Variants in ABCA13 observed in about 807,000 individuals in gnomAD.
ABCA13 encodes the protein ATP-binding cassette sub-family A member 13.
A neutral mutation model predicts 478.7 loss-of-function variants in ABCA13; 476 were observed. The ratio of observed to expected loss-of-function variants is 0.99; its 90% CI spans 0.92 to 1.07. The LOEUF (loss-of-function observed/expected upper bound fraction) is 1.07. Ranked by LOEUF, ABCA13 falls within the 50% of genes least tolerant of loss-of-function variation. ABCA13 has a pLI of 0.00. For missense variants in ABCA13, 6,060 were observed against 5,910.6 expected (o/e 1.03, Z -0.83); for synonymous variants, 2,252 against 2,158.9 (o/e 1.04, Z -1.20).
intron 41 of ABCA13, among the ~76,000 whole-genome samples, chr7:48,425,965 T>C (rs952759591): frequency 1.3e-5 from 2 of 152,038 alleles, no homozygotes; most frequent in African/African-American, 4.8e-5. Flanking sequence ...ATGGTCTCGA[T>C]CTCCTGACCT....
Position 48,520,215 on chromosome 7 carries a change from T to A in ABCA13, c.13972T>A (p.Phe4658Ile). Residue 4658 changes from phenylalanine to isoleucine, a missense_variant, in exon 53 of 62, where the codon TTC becomes ATC. Around this residue, in one of 3 missense-constraint regions of ABCA13, gnomAD observed 1,627 missense variants for 1,571.0 expected, o/e 1.04. Transcript: ENST00000435803. ...PFEMNFLGWI[F>I]VQLASQGTVL... ...TGAGATGAACTTTCTGGGCTGGATC[T>A]TCGTGCAACTGGCCTCGCAGGGCAC... 1 of 1,613,738 alleles carries A rather than the reference T, an allele frequency of 6.2e-7. No individual in the cohort carries two copies. The highest frequency in any genetic ancestry group is 1.3e-5 in the African/African-American group (1 of 75,020).
At chr7:48,391,326 T>A (rs1033547824) in intron 37 of ABCA13, among the ~76,000 whole-genome samples, 17 of 152,248 alleles carry the variant, frequency 1.1e-4, no homozygotes, top group Admixed American at 5.2e-4. Context: ...ACAACTATAA[T>A]GCTCTATGAT....
Position 48,272,461 on chromosome 7 carries a change from C to T in ABCA13, c.2795C>T (p.Ala932Val). Residue 932 changes from alanine (A) to valine (V), a missense_variant, in exon 17 of 62, where the codon GCC becomes GTC. This residue lies in a region of ABCA13 where 4,423 missense variants were observed against 4,309.1 expected (regional missense o/e 1.03). Transcript: ENST00000435803. ...AIRNASDLFS[A>V]LSEPQKQEVD... ...AGGAATGCATCTGATCTTTTCTCAG[C>T]CCTTTCTGAACCACAAAAACAAGAA... The T allele has an allele frequency of 6.2e-7, 1 of 1,613,768 alleles. No homozygotes were observed. The highest frequency in any genetic ancestry group is 8.5e-7 in the Non-Finnish European group (1 of 1,179,770).
intron 1 of ABCA13, among the ~76,000 whole-genome samples, chr7:48,183,266 A>G (rs1026346409): frequency 6.6e-6 from 1 of 152,198 alleles, no homozygotes; most frequent in African/African-American, 2.4e-5. Context: ...AAATCCACAT[A>G]CCGCATGAGT....
At chr7:48,346,816 G>A (rs1808181147) in intron 29 of ABCA13, among the ~76,000 whole-genome samples, 1 of 152,168 alleles carries the variant, frequency 6.6e-6, no homozygotes, top group Non-Finnish European at 1.5e-5. Flanking sequence ...GATAAATAGT[G>A]CAATTGCCAT....
In ABCA13 at chr7:48,540,143, G is replaced by C. The variant is rs560110179; in HGVS notation, c.14354+11798G>C. On this transcript the variant is annotated intron_variant, in intron 55 of 61. Transcript: ENST00000435803. ...TCCTTGATTTTTCTCTGCAGTCATA[G>C]AAGAAGTAAGATATTTTTGTTGAAT... Among the ~76,000 whole-genome samples, 157 of 152,076 alleles carry C rather than the reference G, an allele frequency of 1.0e-3. 1 individual carries two copies. Among genetic ancestry groups the C allele is most frequent in the Non-Finnish European group, 2.0e-3 (136 of 67,952 alleles).
In ABCA13 at chr7:48,279,679, G is replaced by C; in HGVS notation, c.8485G>C (p.Gly2829Arg). Residue 2829 changes from glycine (G) to arginine (R), a missense_variant, in exon 18 of 62, where the codon GGA becomes CGA. Physicochemically the swap from Gly to Arg is moderately radical, Grantham distance 125. Around this residue, in one of 3 missense-constraint regions of ABCA13, gnomAD observed 4,423 missense variants for 4,309.1 expected, o/e 1.03. Coordinates refer to ENST00000435803, the MANE Select transcript of ABCA13 (RefSeq NM_152701.5). ...AAGTAGAATAGCTCTCTGGAGGAAAGGACTTCTGTTTAACAACTCTGAATG... is the reference window on the plus strand; with the variant it reads ...AAGTAGAATAGCTCTCTGGAGGAAACGACTTCTGTTTAACAACTCTGAATG... ...VLSRIALWRK[G>R]LLFNNSEWIT... 1 of 1,613,526 alleles carries C rather than the reference G, an allele frequency of 6.2e-7. No individual in the cohort carries two copies. Among genetic ancestry groups the C allele is most frequent in the South Asian group, 1.1e-5 (1 of 90,976 alleles).
Position 48,403,854 on chromosome 7 carries a change from G to A in ABCA13, c.12045G>A (p.Trp4015Ter). The A allele has an allele frequency of 2.5e-6, 4 of 1,613,366 alleles. No individual in the cohort carries two copies. The highest frequency in any genetic ancestry group is 3.4e-6 in the Non-Finnish European group (4 of 1,179,600). The part of the protein sequence containing the change: ...GVDPCSRHSL[W>*]DILLKYREGR... ...ACCCTTGCTCCCGGCATAGCCTGTG[G>A]GACATTCTGCTCAAGTACCGAGAAG... Residue 4015 changes from tryptophan to a stop codon, truncating the protein, a stop_gained, in exon 39 of 62, where the codon TGG becomes TGA. Coordinates refer to ENST00000435803, the MANE Select transcript of ABCA13 (RefSeq NM_152701.5). LOFTEE classifies it high-confidence loss of function.
chr7:48,480,361 C>T (rs1013053647), intron 45 of ABCA13, among the ~76,000 whole-genome samples: 1 of 152,236 alleles, frequency 6.6e-6, no homozygotes, highest in African/African-American at 2.4e-5. Flanking sequence ...AGACCAAACC[C>T]CTGGCATTTT....
chr7:48,454,633 G>A (rs1340925770), intron 42 of ABCA13, among the ~76,000 whole-genome samples: 8 of 152,120 alleles, frequency 5.3e-5, no homozygotes, highest in Non-Finnish European at 8.8e-5. Context: ...GCAGGCCGTG[G>A]GGTTATTCCC....
At position 48,198,201 on chromosome 7, in the gene ABCA13, T is replaced by C. The variant is rs537440367; in HGVS notation, c.164-36T>C. 5.6e-6 allele frequency: 9 copies of C among 1,598,868 alleles called. No homozygotes were observed. The African/African-American group carries it at 1.2e-4, about 21-fold the overall frequency. On this transcript the variant is annotated intron_variant, in intron 2 of 61. Coordinates refer to ENST00000435803, the MANE Select transcript of ABCA13 (RefSeq NM_152701.5). Reference sequence around the variant, plus strand: ...CAGGAATTCCATTTCTGGTAGCAGGTATACGGACTCATTTCTTCTTTGCAT... The same window carrying C: ...CAGGAATTCCATTTCTGGTAGCAGGCATACGGACTCATTTCTTCTTTGCAT...
chr7:48,184,978 A>G (rs941585855), intron 1 of ABCA13, among the ~76,000 whole-genome samples: 1 of 152,046 alleles, frequency 6.6e-6, no homozygotes, highest in Non-Finnish European at 1.5e-5. Flanking sequence ...TGGGACTATA[A>G]GGGCACACCA....
At chr7:48,493,937 C>G (rs775989964) in intron 48 of ABCA13, among the ~76,000 whole-genome samples, 2 of 152,118 alleles carry the variant, frequency 1.3e-5, no homozygotes, top group Non-Finnish European at 2.9e-5. Context: ...GGAAAACAGA[C>G]AGAAGTGTAA....
At chr7:48,557,391 A>T (rs994887223) in intron 55 of ABCA13, among the ~76,000 whole-genome samples, 1 of 152,104 alleles carries the variant, frequency 6.6e-6, no homozygotes, top group Non-Finnish European at 1.5e-5. Context: ...TCTGTTATTG[A>T]TGAAATCATT....
chr7:48,432,645 A>C lies in ABCA13; in HGVS notation c.12565+4774A>C, dbSNP rs539674477. On this transcript the variant is annotated intron_variant, in intron 42 of 61. Coordinates refer to ENST00000435803, the MANE Select transcript of ABCA13 (RefSeq NM_152701.5). ...AGTAGAATACTATTCAGTCTTAAAAAAGAAGCAAATTCTGTCATTTGTGAC... is the reference window on the plus strand; with the variant it reads ...AGTAGAATACTATTCAGTCTTAAAACAGAAGCAAATTCTGTCATTTGTGAC... Among the ~76,000 whole-genome samples, 8 of 152,320 alleles carry C rather than the reference A, an allele frequency of 5.3e-5. No homozygotes were observed. In the South Asian group the frequency reaches 1.7e-3, roughly 32 times the overall value.
intron 3 of ABCA13, among the ~76,000 whole-genome samples, chr7:48,213,119 G>A (rs1785922798): frequency 6.6e-6 from 1 of 151,858 alleles, no homozygotes; most frequent in Non-Finnish European, 1.5e-5. Flanking sequence ...TAACTTTTGA[G>A]GTTTATCTTT....
At chr7:48,472,056 T>C (rs1435655473) in intron 45 of ABCA13, among the ~76,000 whole-genome samples, 1 of 152,178 alleles carries the variant, frequency 6.6e-6, no homozygotes, top group East Asian at 1.9e-4. Flanking sequence ...TGTGCCACTA[T>C]TGAGGTGAGA....
At chr7:48,350,242 T>C (rs773881631) in intron 29 of ABCA13, among the ~76,000 whole-genome samples, 1 of 151,746 alleles carries the variant, frequency 6.6e-6, no homozygotes, top group African/African-American at 2.4e-5. Flanking sequence ...GGAAGGCGTG[T>C]TTTTTTTAGA....
At position 48,274,020 on chromosome 7, in the gene ABCA13, A is replaced by G. The variant is rs764603919; in HGVS notation, c.4354A>G (p.Asn1452Asp). The G allele has an allele frequency of 7.5e-6, 12 of 1,606,278 alleles. No individual in the cohort carries two copies. The East Asian group carries it at 2.7e-4, about 36-fold the overall frequency. The change falls in exon 17 of 62, where the codon AAT becomes GAT. Residue 1452 changes from asparagine to aspartate, a missense_variant. Asn to Asp is a conservative substitution (Grantham distance 23, BLOSUM62 1). Coordinates refer to ENST00000435803, the MANE Select transcript of ABCA13 (RefSeq NM_152701.5). ...TATAAAAAAACCTCTTTGTTCATCAAATGGCTCACATATAAATTGTGTCAA... is the reference window on the plus strand; with the variant it reads ...TATAAAAAAACCTCTTTGTTCATCAGATGGCTCACATATAAATTGTGTCAA... ...LNIKKPLCSSNGSHINCVNIY... is the reference protein window; with the variant it reads ...LNIKKPLCSSDGSHINCVNIY...
Sources: allele counts gnomAD v4.1 joint callset (sites outside exome capture counted in the v4.1 genomes callset), GRCh38; gene constraint gnomAD v4.1.1; regional missense constraint gnomAD v4.1.1; transcripts MANE v1.5; gene names NCBI Gene and HGNC (gene_info 2026-07-23, HGNC 2026-07-21).